Variants in CTXND2 observed in about 807,000 individuals in gnomAD.
CTXND2 encodes the protein cortexin domain containing 2.
intron 1 of CTXND2, among the ~76,000 whole-genome samples, chr1:150,911,432 T>C (rs1669255377): frequency 6.6e-6 from 1 of 152,004 alleles, no homozygotes; most frequent in African/African-American, 2.4e-5. Context: ...GTTTTCCTTA[T>C]GTAAATTTAT....
At position 150,905,732 on chromosome 1, in the gene CTXND2, T is replaced by G. The variant is rs902425564; in HGVS notation, c.-73-6510T>G. On this transcript the variant is annotated intron_variant, in intron 1 of 1. Transcript: ENST00000636087. ...AAGGCCGGGCGCAGTGGCTCACGCCTGTAATCCCAGCACTTTGGGAGGCCG... is the reference window on the plus strand; with the variant it reads ...AAGGCCGGGCGCAGTGGCTCACGCCGGTAATCCCAGCACTTTGGGAGGCCG... 5.3e-5 allele frequency among the ~76,000 whole-genome samples: 8 copies of G among 152,212 alleles called. 1 individual carries two copies. The highest frequency in any genetic ancestry group is 5.2e-4 in the Admixed American group (8 of 15,290).
At chr1:150,898,929 A>ATATAT (rs1489418492) in intron 1 of CTXND2, among the ~76,000 whole-genome samples, 2 of 135,776 alleles carry the variant, frequency 1.5e-5, no homozygotes, top group East Asian at 4.1e-4. Flanking sequence ...TACAAAAAAA[A>ATATAT]AAATATATAT....
chr1:150,901,098 T>A (rs1669017331), intron 1 of CTXND2, among the ~76,000 whole-genome samples: 1 of 152,002 alleles, frequency 6.6e-6, no homozygotes, highest in South Asian at 2.1e-4. Context: ...GGTGACAGAG[T>A]GAGACCCTGT....
chr1:150,892,510 T>C (rs1318545029), intron 1 of CTXND2, among the ~76,000 whole-genome samples: 1 of 149,628 alleles, frequency 6.7e-6, no homozygotes, highest in Non-Finnish European at 1.5e-5. Flanking sequence ...TTCTTCAGAA[T>C]GTCTTATTCT....
rs587599467 is a variant in CTXND2, at chr1:150,904,528, G to A, written c.-73-7714G>A. 2.0e-5 allele frequency among the ~76,000 whole-genome samples: 3 copies of A among 152,190 alleles called. No individual in the cohort carries two copies. The South Asian group carries it at 6.2e-4, about 32-fold the overall frequency. ...ACCATCTTCAAACTTACTGGAGATT[G>A]GTTTTATATTTAGATTTATATAACT... On this transcript the variant is annotated intron_variant, in intron 1 of 1. Transcript: ENST00000636087.
intron 1 of CTXND2, among the ~76,000 whole-genome samples, chr1:150,887,734 A>G (rs1668792217): frequency 6.6e-6 from 1 of 152,100 alleles, no homozygotes; most frequent in Non-Finnish European, 1.5e-5. Flanking sequence ...CTTCACCATC[A>G]TCTCTCTCTT....
intron 1 of CTXND2, among the ~76,000 whole-genome samples, chr1:150,908,130 G>C (rs941657053): frequency 6.6e-6 from 1 of 151,570 alleles, no homozygotes; most frequent in Non-Finnish European, 1.5e-5. Context: ...TGCCCCCCAA[G>C]TAGCTGGGAT....
intron 1 of CTXND2, among the ~76,000 whole-genome samples, chr1:150,893,083 T>A (rs1444366446): frequency 6.6e-6 from 1 of 152,218 alleles, no homozygotes; most frequent in Admixed American, 6.5e-5. Context: ...TAGTCAACTT[T>A]TGTTAAACTT....
chr1:150,909,718 G>T (rs587714289), intron 1 of CTXND2, among the ~76,000 whole-genome samples: 6 of 152,216 alleles, frequency 3.9e-5, no homozygotes, highest in African/African-American at 1.4e-4. Context: ...CAGGAGTTCG[G>T]TCTAGGTCCT....
intron 1 of CTXND2, among the ~76,000 whole-genome samples, chr1:150,902,787 A>G (rs1669064602): frequency 6.6e-6 from 1 of 152,176 alleles, no homozygotes; most frequent in Non-Finnish European, 1.5e-5. Context: ...ACAAAAAAGC[A>G]GACCACTATG....
At chr1:150,911,688 C>G (rs1377571651) in intron 1 of CTXND2, among the ~76,000 whole-genome samples, 3 of 152,128 alleles carry the variant, frequency 2.0e-5, no homozygotes, top group East Asian at 1.9e-4. Flanking sequence ...CTGCCTTGTC[C>G]TCACAAAGTG....
intron 1 of CTXND2, among the ~76,000 whole-genome samples, chr1:150,902,131 G>A (rs1369417447): frequency 2.6e-5 from 4 of 152,072 alleles, no homozygotes; most frequent in African/African-American, 9.6e-5. Flanking sequence ...GCTGGGCGCC[G>A]TGGCTCACGC....
chr1:150,908,724 A>C (rs2102604098), intron 1 of CTXND2, among the ~76,000 whole-genome samples: 1 of 151,816 alleles, frequency 6.6e-6, no homozygotes, highest in African/African-American at 2.4e-5. Flanking sequence ...CTGGGCTCAA[A>C]GGATCCTTCT....
chr1:150,908,012 T>C (rs1319675345), intron 1 of CTXND2, among the ~76,000 whole-genome samples: 5 of 107,742 alleles, frequency 4.6e-5, no homozygotes, highest in Admixed American at 1.8e-4. Context: ...CCCAGCCAGC[T>C]TTTTTTTTTT....
chr1:150,898,592 C>T (rs965190046), intron 1 of CTXND2, among the ~76,000 whole-genome samples: 2 of 151,398 alleles, frequency 1.3e-5, no homozygotes, highest in African/African-American at 4.9e-5. Context: ...CCTGTCTCTA[C>T]TAAAAATACA....
chr1:150,913,103 T>C (rs1217876913), exon 2 of CTXND2: 3 of 152,118 alleles, frequency 2.0e-5, no homozygotes, highest in African/African-American at 7.2e-5. Flanking sequence ...GTGAGCTTAT[T>C]TGGAAAAATG....
chr1:150,895,345 TC>T (rs1487531390), intron 1 of CTXND2, among the ~76,000 whole-genome samples: 2 of 152,012 alleles, frequency 1.3e-5, no homozygotes, highest in African/African-American at 4.8e-5. Flanking sequence ...TCTTTTTTTT[TC>T]TTTTTTTAAT....
chr1:150,891,120 C>G (rs186461974), intron 1 of CTXND2, among the ~76,000 whole-genome samples: 10 of 152,142 alleles, frequency 6.6e-5, no homozygotes, highest in African/African-American at 2.4e-4. Context: ...GACGTTTGCC[C>G]TGTAGAAACT....
Position 150,907,004 on chromosome 1 carries a change from T to C in CTXND2, c.-73-5238T>C, listed in dbSNP as rs62622829. 3.1e-3 allele frequency among the ~76,000 whole-genome samples: 467 copies of C among 152,230 alleles called. 2 individuals carry two copies. The highest frequency in any genetic ancestry group is 0.024 in the Middle Eastern group (7 of 294). On this transcript the variant is annotated intron_variant, in intron 1 of 1. Coordinates refer to ENST00000636087, the Ensembl canonical transcript of CTXND2. ...GTAAGACCAGGTCACCTACTCACAG[T>C]TGGCCACAGCTGATTCATTAAATAG...
Sources: gnomAD v4.1 joint callset for allele counts (sites outside exome capture counted in the v4.1 genomes callset) on GRCh38, gnomAD v4.1.1 for gene constraint, MANE v1.5 for transcripts, NCBI Gene and HGNC (gene_info 2026-07-23, HGNC 2026-07-21) for gene names.